Variants in ZNF678 observed in about 807,000 individuals in gnomAD.
ZNF678 encodes zinc finger protein 678.
ZNF678 carries 5 observed loss-of-function variants against 3.0 expected under a neutral mutation model. That is an observed-to-expected ratio of 1.69 (90% CI 0.88 to 3.56). The LOEUF (loss-of-function observed/expected upper bound fraction) is 3.56. Ranked by LOEUF, ZNF678 falls within the 30% of genes most tolerant of loss-of-function variation. ZNF678 has a pLI of 0.00. For missense variants in ZNF678, 593 were observed against 605.0 expected, an observed-to-expected ratio of 0.98 and a Z score of 0.21; for synonymous variants, 218 against 199.6, an observed-to-expected ratio of 1.09 and a Z score of -0.78.
intron 1 of ZNF678, among the ~76,000 whole-genome samples, chr1:227,616,985 G>C (rs1014374146): frequency 6.6e-6 from 1 of 152,226 alleles, no homozygotes; most frequent in African/African-American, 2.4e-5. Flanking sequence ...CCATGTGATA[G>C]CAGATCCCAT....
At chr1:227,594,024 A>C (rs969729024) in intron 1 of ZNF678, among the ~76,000 whole-genome samples, 1 of 152,112 alleles carries the variant, frequency 6.6e-6, no homozygotes, top group African/African-American at 2.4e-5. Flanking sequence ...GGGGTGGTAC[A>C]TGTGCTAAAA....
At chr1:227,605,896 A>G (rs923075995) in intron 1 of ZNF678, among the ~76,000 whole-genome samples, 1 of 152,266 alleles carries the variant, frequency 6.6e-6, no homozygotes, top group Non-Finnish European at 1.5e-5. Flanking sequence ...AAGTATAAGC[A>G]TAAATGGATA....
intron 1 of ZNF678, chr1:227,598,380 G>A: frequency 7.1e-7 from 1 of 1,401,326 alleles, no homozygotes; most frequent in Non-Finnish European, 9.3e-7. Context: ...AATTTCCTCA[G>A]ACATTGCACT....
intron 1 of ZNF678, among the ~76,000 whole-genome samples, chr1:227,626,831 G>A (rs1014991668): frequency 1.3e-5 from 2 of 152,002 alleles, no homozygotes; most frequent in African/African-American, 2.4e-5. Context: ...CTGGGTTACT[G>A]TAGCCTTGAA....
chr1:227,626,005 C>G (rs1479525743), intron 1 of ZNF678, among the ~76,000 whole-genome samples: 1 of 152,116 alleles, frequency 6.6e-6, no homozygotes, highest in Non-Finnish European at 1.5e-5. Context: ...AGAAAAACTC[C>G]TATACGATGG....
intron 1 of ZNF678, among the ~76,000 whole-genome samples, chr1:227,632,138 C>T (rs1181248063): frequency 3.3e-5 from 5 of 152,146 alleles, no homozygotes; most frequent in African/African-American, 1.2e-4. Context: ...ATGGGTCCCA[C>T]ATAACTGCCT....
At chr1:227,567,965 A>G (rs139453286) in intron 1 of ZNF678, among the ~76,000 whole-genome samples, 12 of 152,298 alleles carry the variant, frequency 7.9e-5, no homozygotes, top group African/African-American at 2.6e-4. Flanking sequence ...AAAACTAGAA[A>G]GAATGTGGGA....
At chr1:227,577,391 A>T (rs116156508) in intron 1 of ZNF678, among the ~76,000 whole-genome samples, 1 of 152,318 alleles carries the variant, frequency 6.6e-6, no homozygotes, top group Non-Finnish European at 1.5e-5. Flanking sequence ...AAGGTCTCTA[A>T]GAACTTGCTT....
rs1274884820 is a variant in ZNF678, at chr1:227,654,606, A to G, written c.356A>G (p.His119Arg). Reference sequence around the variant, plus strand: ...ATCCTTACTGAACATAAGAGAATTCATACTGGAGAGAAGCCATACAAATGT... The same window carrying G: ...ATCCTTACTGAACATAAGAGAATTCGTACTGGAGAGAAGCCATACAAATGT... Reference protein sequence around the residue: ...RSILTEHKRIHTGEKPYKCEE... With the variant: ...RSILTEHKRIRTGEKPYKCEE... Residue 119 changes from histidine to arginine, a missense_variant, in exon 4 of 4, where the codon CAT becomes CGT. His to Arg is a conservative substitution (Grantham distance 29, BLOSUM62 0). Transcript: ENST00000343776. 1.9e-6 allele frequency: 3 copies of G among 1,613,220 alleles called. No individual in the cohort carries two copies. Among genetic ancestry groups the G allele is most frequent in the East Asian group, 2.2e-5 (1 of 44,864 alleles).
intron 1 of ZNF678, among the ~76,000 whole-genome samples, chr1:227,568,773 T>C (rs1656762510): frequency 6.6e-6 from 1 of 152,196 alleles, no homozygotes; most frequent in Non-Finnish European, 1.5e-5. Flanking sequence ...GATGTGGGAC[T>C]GAGGCCTGGC....
intron 1 of ZNF678, among the ~76,000 whole-genome samples, chr1:227,613,173 C>G (rs184882009): frequency 6.6e-6 from 1 of 152,272 alleles, no homozygotes; most frequent in East Asian, 1.9e-4. Flanking sequence ...CTCATATTTA[C>G]AGCTACTCAC....
chr1:227,613,558 C>A (rs1287167143), intron 1 of ZNF678, among the ~76,000 whole-genome samples: 3 of 152,336 alleles, frequency 2.0e-5, no homozygotes, highest in African/African-American at 7.2e-5. Flanking sequence ...ACTCCAGAAT[C>A]AACCCTGGTT....
chr1:227,673,499 T>C (rs1290593909), intron 5 of ZNF678, among the ~76,000 whole-genome samples: 1 of 152,240 alleles, frequency 6.6e-6, no homozygotes, highest in Non-Finnish European at 1.5e-5. Context: ...CAAACATCTT[T>C]AGTCACCTTC....
At chr1:227,621,288 AT>A (rs973438255) in intron 1 of ZNF678, among the ~76,000 whole-genome samples, 1 of 152,238 alleles carries the variant, frequency 6.6e-6, no homozygotes, top group Non-Finnish European at 1.5e-5. Flanking sequence ...TAAACTATGT[AT>A]TCCCAGTATG....
intron 5 of ZNF678, among the ~76,000 whole-genome samples, chr1:227,674,114 T>C (rs989423313): frequency 1.3e-5 from 2 of 152,164 alleles, no homozygotes; most frequent in Non-Finnish European, 2.9e-5. Flanking sequence ...GATTCTACTA[T>C]AGGAGCAAGA....
intron 1 of ZNF678, among the ~76,000 whole-genome samples, chr1:227,601,263 G>A (rs542689515): frequency 6.6e-6 from 1 of 152,188 alleles, no homozygotes; most frequent in Non-Finnish European, 1.5e-5. Context: ...AAAAAGTTCT[G>A]TGAAGAATGT....
intron 1 of ZNF678, among the ~76,000 whole-genome samples, chr1:227,593,612 C>T (rs1017666517): frequency 4.6e-5 from 7 of 152,092 alleles, no homozygotes; most frequent in Non-Finnish European, 1.0e-4. Context: ...AGAAAGCTGT[C>T]TTTGACTTGC....
intron 1 of ZNF678, among the ~76,000 whole-genome samples, chr1:227,620,051 ACT>A (rs1223226482): frequency 6.6e-6 from 1 of 152,086 alleles, no homozygotes; most frequent in Non-Finnish European, 1.5e-5. Context: ...GAGAGTTGAG[ACT>A]CTGGAGGAGC....
intron 3 of ZNF678, among the ~76,000 whole-genome samples, chr1:227,653,178 C>T (rs1659129732): frequency 6.6e-6 from 1 of 152,048 alleles, no homozygotes; most frequent in African/African-American, 2.4e-5. Context: ...TTTTCTGTTG[C>T]TGCTTTCAAC....
Sources: allele counts gnomAD v4.1 joint callset (sites outside exome capture counted in the v4.1 genomes callset), GRCh38; gene constraint gnomAD v4.1.1; transcripts MANE v1.5; gene names NCBI Gene and HGNC (gene_info 2026-07-23, HGNC 2026-07-21).